MSTO1: variants seen among roughly 807,000 people sequenced by gnomAD.
MSTO1 encodes the protein misato mitochondrial distribution and morphology regulator 1, also known as protein misato homolog 1.
Under a neutral mutation model 55.7 loss-of-function variants are expected in MSTO1, and 24 were observed. The ratio of observed to expected loss-of-function variants is 0.43; its 90% CI spans 0.31 to 0.61. The LOEUF (loss-of-function observed/expected upper bound fraction) is 0.61. Among genes scored for constraint, MSTO1 ranks in the 20% least tolerant of loss-of-function variants. The pLI, the probability that MSTO1 is intolerant of heterozygous loss-of-function variation, is 0.09. For missense variants in MSTO1, 363 were observed against 625.7 expected, an observed-to-expected ratio of 0.58 and a Z score of 4.48; for synonymous variants, 162 against 252.8, an observed-to-expected ratio of 0.64 and a Z score of 3.41.
At chr1:155,596,729 G>C in the MSTO1 span, among the ~76,000 whole-genome samples, 4 of 152,290 alleles carry the variant, frequency 2.6e-5, no homozygotes, top group East Asian at 7.7e-4. Context: ...CAAGGCTACA[G>C]TCAGCTGAGA....
At chr1:155,590,528 C>T in the MSTO1 span, 92 of 717,122 alleles carry the variant, frequency 1.3e-4, no homozygotes, top group Non-Finnish European at 1.8e-4. Context: ...AGATATGAAC[C>T]CATCCCAAAG....
At chr1:155,592,693 A>G in the MSTO1 span, among the ~76,000 whole-genome samples, 1 of 151,872 alleles carries the variant, frequency 6.6e-6, no homozygotes, top group East Asian at 1.9e-4. Flanking sequence ...AGCTGGGATT[A>G]CAGGCGCCTG....
chr1:155,590,517 A>C, the MSTO1 span: 1 of 623,860 alleles, frequency 1.6e-6, no homozygotes, highest in Non-Finnish European at 2.7e-6. Flanking sequence ...GCAGAAACAA[A>C]AGATATGAAC....
At chr1:155,601,384 G>A in the MSTO1 span, among the ~76,000 whole-genome samples, 2 of 151,694 alleles carry the variant, frequency 1.3e-5, no homozygotes, top group East Asian at 1.9e-4. Flanking sequence ...TGATCCGCCC[G>A]ACTTGAGCTC....
At chr1:155,565,339 T>TTAAC in the MSTO1 span, among the ~76,000 whole-genome samples, 5 of 150,170 alleles carry the variant, frequency 3.3e-5, no homozygotes, top group Admixed American at 3.3e-4. Context: ...TTGAAATGAA[T>TTAAC]GTTAGATACT....
At chr1:155,568,084 A>T in the MSTO1 span, among the ~76,000 whole-genome samples, 126 of 148,792 alleles carry the variant, frequency 8.5e-4, no homozygotes, top group East Asian at 6.3e-3. Flanking sequence ...ATTTTATTTT[A>T]TTTTATTTTT....
At chr1:155,568,628 C>T in the MSTO1 span, among the ~76,000 whole-genome samples, 1 of 149,078 alleles carries the variant, frequency 6.7e-6, no homozygotes, top group East Asian at 2.0e-4. Context: ...TTAGTAGAGA[C>T]AGGATTTCAC....
the MSTO1 span, among the ~76,000 whole-genome samples, chr1:155,589,958 T>C: frequency 2.7e-5 from 4 of 149,192 alleles, no homozygotes; most frequent in African/African-American, 5.0e-5. Flanking sequence ...TTTTTTTTTT[T>C]CACTAACAAA....
At chr1:155,611,415 C>T in intron 4 of MSTO1, 124 bp downstream of exon 4, 2 of 1,591,088 alleles carry the variant, frequency 1.3e-6, no homozygotes, top group South Asian at 1.1e-5. Context: ...AAAAAGCACT[C>T]CTTTTCCTAA....
the MSTO1 span, among the ~76,000 whole-genome samples, chr1:155,585,903 C>T: frequency 2.0e-5 from 3 of 151,840 alleles, no homozygotes; most frequent in South Asian, 2.1e-4. Context: ...TATATATATC[C>T]CCCAAATAAT....
At chr1:155,571,485 C>T in the MSTO1 span, among the ~76,000 whole-genome samples, 1 of 152,004 alleles carries the variant, frequency 6.6e-6, no homozygotes, top group Non-Finnish European at 1.5e-5. Flanking sequence ...TCACTTGAGC[C>T]CAGGAGTTCA....
At chr1:155,587,161 G>C in the MSTO1 span, among the ~76,000 whole-genome samples, 1 of 152,176 alleles carries the variant, frequency 6.6e-6, no homozygotes, top group African/African-American at 2.4e-5. Context: ...ACTGTGTTTG[G>C]CCGGGCGCCG....
chr1:155,564,790 A>C, the MSTO1 span, among the ~76,000 whole-genome samples: 1 of 152,230 alleles, frequency 6.6e-6, no homozygotes, highest in Admixed American at 6.5e-5. Flanking sequence ...CTTAATTTAC[A>C]TAAAGCATCA....
At chr1:155,608,496 CT>C (rs769788957), upstream of MSTO1, among the ~76,000 whole-genome samples, 2,041 of 132,766 alleles carry the variant, frequency 0.015, 36 homozygotes, top group African/African-American at 0.053. Flanking sequence ...TGCCTTATCT[CT>C]TTTTTTTTTT....
the MSTO1 span, among the ~76,000 whole-genome samples, chr1:155,569,409 ACAGGCGTGAGC>A: frequency 5.8e-3 from 827 of 143,526 alleles, 8 homozygotes; most frequent in African/African-American, 0.021. Context: ...TGCTGGGATT[ACAGGCGTGAGC>A]CACTGCGCCC....
upstream of MSTO1, among the ~76,000 whole-genome samples, chr1:155,606,699 T>G (rs1243043609): frequency 6.8e-6 from 1 of 147,080 alleles, no homozygotes; most frequent in Non-Finnish European, 1.5e-5. Context: ...AGCCTTTTTT[T>G]TTGTAGCAAC....
chr1:155,606,197 C>CA (rs1558242399), upstream of MSTO1, among the ~76,000 whole-genome samples: 4 of 53,276 alleles, frequency 7.5e-5, no homozygotes, highest in African/African-American at 2.8e-4. Context: ...CCATGCCCAG[C>CA]CTTTTTTTTT....
chr1:155,582,455 A>C, the MSTO1 span, among the ~76,000 whole-genome samples: 1 of 151,826 alleles, frequency 6.6e-6, no homozygotes, highest in Non-Finnish European at 1.5e-5. Context: ...CTCTGCTTAT[A>C]GATTTTTTGT....
At chr1:155,595,078 C>A in the MSTO1 span, among the ~76,000 whole-genome samples, 21 of 146,602 alleles carry the variant, frequency 1.4e-4, no homozygotes, top group African/African-American at 5.1e-4. Context: ...GCAGAGGGTG[C>A]AGTGAGCCAA....
Sources: allele counts gnomAD v4.1 joint callset (sites outside exome capture counted in the v4.1 genomes callset), GRCh38; gene constraint gnomAD v4.1.1; transcripts MANE v1.5; gene names NCBI Gene and HGNC (gene_info 2026-07-23, HGNC 2026-07-21).